Variants in MECOM observed in about 807,000 individuals in gnomAD.
MECOM encodes histone-lysine N-methyltransferase MECOM.
Under a neutral mutation model 116.3 loss-of-function variants are expected in MECOM, and 13 were observed. That is an observed-to-expected ratio of 0.11 (90% confidence interval 0.07 to 0.18). MECOM has a LOEUF of 0.18. MECOM is among the 10% of genes least tolerant of loss of function. The pLI is 1.00. For missense variants in MECOM, 1,299 were observed against 1,509.0 expected, an observed-to-expected ratio of 0.86 and a Z score of 2.31; for synonymous variants, 528 against 535.2, an observed-to-expected ratio of 0.99 and a Z score of 0.19.
chr3:169,397,665 T>C, intron 1 of MECOM, among the ~76,000 whole-genome samples: 1 of 152,120 alleles, frequency 6.6e-6, no homozygotes, highest in African/African-American at 2.4e-5. Flanking sequence ...ATTCCCAGAG[T>C]GTGTATACAT....
At chr3:169,486,598 C>G (rs934932023) in intron 1 of MECOM, among the ~76,000 whole-genome samples, 1 of 151,548 alleles carries the variant, frequency 6.6e-6, no homozygotes, top group African/African-American at 2.4e-5. Context: ...TTTTGATTAC[C>G]CAGAAGGGGA....
intron 2 of MECOM, among the ~76,000 whole-genome samples, chr3:169,343,187 T>C (rs970326856): frequency 6.6e-6 from 1 of 152,196 alleles, no homozygotes; most frequent in Non-Finnish European, 1.5e-5. Flanking sequence ...TTTTGGCTGA[T>C]GACAATGCGT....
intron 1 of MECOM, among the ~76,000 whole-genome samples, chr3:169,470,394 G>A (rs544987418): frequency 6.6e-6 from 1 of 152,150 alleles, no homozygotes; most frequent in Admixed American, 6.6e-5. Context: ...GAGAAAAAAC[G>A]AGCTTCTTGA....
At chr3:169,552,599 T>C (rs1761545806) in intron 1 of MECOM, among the ~76,000 whole-genome samples, 1 of 152,106 alleles carries the variant, frequency 6.6e-6, no homozygotes, top group African/African-American at 2.4e-5. Context: ...AGCTAGTTAG[T>C]GGTGGAGCCA....
intron 1 of MECOM, among the ~76,000 whole-genome samples, chr3:169,383,445 T>G (rs1732808067): frequency 6.6e-6 from 1 of 152,208 alleles, no homozygotes; most frequent in Admixed American, 6.5e-5. Context: ...TAATTATCCA[T>G]GTCTGAGGCT....
chr3:169,406,299 G>T (rs1434979866), intron 1 of MECOM, among the ~76,000 whole-genome samples: 1 of 152,188 alleles, frequency 6.6e-6, no homozygotes, highest in African/African-American at 2.4e-5. Flanking sequence ...GGGAAATTCT[G>T]AACAAGTCTT....
chr3:169,371,082 C>T (rs1046779720), intron 2 of MECOM, among the ~76,000 whole-genome samples: 2 of 151,934 alleles, frequency 1.3e-5, no homozygotes, highest in Non-Finnish European at 2.9e-5. Context: ...TTGACTGCAA[C>T]ATTATCAACA....
rs1488654840 is a variant in MECOM at position 169,308,063 on chromosome 3, A to G, written c.375+73124T>C. 2.0e-5 allele frequency among the ~76,000 whole-genome samples: 3 copies of G among 152,222 alleles called. No homozygotes were observed. In the East Asian group the frequency reaches 5.8e-4, roughly 29 times the overall value. The stretch of plus-strand genomic sequence containing the variant: ...CTATATTCTCCTGGTCCCCTCCCTC[A>G]CTGCCATTTCACAGCAAGGTAGATT... On this transcript the variant is annotated intron_variant, in intron 2 of 16. Coordinates refer to ENST00000651503, the MANE Select transcript of MECOM (RefSeq NM_004991.4).
At chr3:169,541,819 G>A (rs954471145) in intron 1 of MECOM, among the ~76,000 whole-genome samples, 3 of 152,142 alleles carry the variant, frequency 2.0e-5, no homozygotes, top group Admixed American at 6.5e-5. Flanking sequence ...AGAACTGCCC[G>A]AAAGGTGATC....
chr3:169,372,431 C>G (rs924607429), intron 2 of MECOM, among the ~76,000 whole-genome samples: 17 of 151,992 alleles, frequency 1.1e-4, no homozygotes, highest in Admixed American at 1.1e-3. Context: ...ACTAAGCCAC[C>G]TAAATTTTTC....
At chr3:169,338,861 C>A (rs1418638255) in intron 2 of MECOM, among the ~76,000 whole-genome samples, 1 of 151,852 alleles carries the variant, frequency 6.6e-6, no homozygotes, top group Non-Finnish European at 1.5e-5. Flanking sequence ...AGTGTCTTAG[C>A]AGATCGGGAG....
chr3:169,147,448 A>C (rs1302265046), intron 2 of MECOM: 1 of 985,284 alleles, frequency 1.0e-6, no homozygotes. Flanking sequence ...AAAGGGAGCT[A>C]TCTCCCGCCG....
intron 1 of MECOM, among the ~76,000 whole-genome samples, chr3:169,416,051 C>T (rs1326491005): frequency 1.3e-5 from 2 of 152,176 alleles, no homozygotes; most frequent in Admixed American, 6.5e-5. Flanking sequence ...GAACTCTCCA[C>T]CCCAGATCAA....
intron 1 of MECOM, among the ~76,000 whole-genome samples, chr3:169,423,176 T>G (rs1429906938): frequency 6.6e-6 from 1 of 152,072 alleles, no homozygotes; most frequent in African/African-American, 2.4e-5. Context: ...ATACTTTGAG[T>G]AGCAAGACTC....
chr3:169,247,088 A>G (rs992737743), intron 2 of MECOM, among the ~76,000 whole-genome samples: 6 of 152,190 alleles, frequency 3.9e-5, no homozygotes, highest in Non-Finnish European at 5.9e-5. Context: ...ATTGGTAAAT[A>G]ACAATTACAA....
chr3:169,433,639 G>GAA (rs1553851603), intron 1 of MECOM, among the ~76,000 whole-genome samples: 2,359 of 127,006 alleles, frequency 0.019, 34 homozygotes, highest in Middle Eastern at 0.043. Context: ...GAAAGAGAAA[G>GAA]AGAAAGAAAG....
chr3:169,429,687 T>G (rs1197442299), intron 1 of MECOM, among the ~76,000 whole-genome samples: 2 of 152,190 alleles, frequency 1.3e-5, no homozygotes, highest in Non-Finnish European at 2.9e-5. Context: ...ATGAAAAGAT[T>G]TTAGTTCCAG....
intron 2 of MECOM, chr3:169,146,400 A>G: frequency 1.4e-6 from 2 of 1,393,864 alleles, no homozygotes; most frequent in South Asian, 2.3e-5. Flanking sequence ...AAACCGACGG[A>G]CAGAGACACA....
chr3:169,634,809 C>T (rs1772516839), intron 1 of MECOM, among the ~76,000 whole-genome samples: 1 of 152,016 alleles, frequency 6.6e-6, no homozygotes, highest in Non-Finnish European at 1.5e-5. Context: ...GGCAGTGAAC[C>T]AGAGTCTAGA....
Sources: allele counts gnomAD v4.1 joint callset (sites outside exome capture counted in the v4.1 genomes callset), GRCh38; gene constraint gnomAD v4.1.1; transcripts MANE v1.5; gene names NCBI Gene and HGNC (gene_info 2026-07-23, HGNC 2026-07-21).